The following ZNF780B variants were observed in gnomAD, a reference collection of about 807,000 sequenced individuals.
ZNF780B encodes zinc finger protein 780B.
ZNF780B carries 52 observed loss-of-function variants against 74.1 expected under a neutral mutation model. The observed-to-expected ratio is 0.70, with a 90% CI of 0.56 to 0.88. ZNF780B has a LOEUF of 0.88. Ranked by LOEUF, ZNF780B falls within the 40% of genes least tolerant of loss-of-function variation. ZNF780B has a pLI of 0.00. For missense variants in ZNF780B, 953 were observed against 1,007.6 expected (o/e 0.95, Z 0.73); for synonymous variants, 315 against 324.3 (o/e 0.97, Z 0.31).
In ZNF780B at chr19:40,035,341, A is replaced by G; in HGVS notation, c.1518T>C (p.Cys506=). The stretch of plus-strand genomic sequence containing the variant: ...TCGAGCCACGATTGAAGGCCTTCCC[A>G]CAGTCTTTACATTCAAATGGTTTCT... ...TGEKPFECKD[C]GKAFNRGSNL... Residue 506 remains cysteine (C), a synonymous_variant, in exon 5 of 5, where the codon TGT becomes TGC. Transcript: ENST00000434248. The G allele has an allele frequency of 6.2e-7, 1 of 1,614,084 alleles. No individual in the cohort carries two copies. Among genetic ancestry groups the G allele is most frequent in the Non-Finnish European group, 8.5e-7 (1 of 1,180,002 alleles).
At position 40,033,457 on chromosome 19, in the gene ZNF780B, C is replaced by G. The variant is rs1233147543; in HGVS notation, c.*900G>C. ...AACTTTCTCACCAAAATTATCTTCT[C>G]TGAACTCTAAGGCATTTAGTGTGGC... On this transcript the variant is annotated 3_prime_UTR_variant, in exon 5 of 5. Coordinates refer to ENST00000434248, the MANE Select transcript of ZNF780B (RefSeq NM_001005851.3). The G allele has an allele frequency of 6.5e-6, 1 of 153,902 alleles. No homozygotes were observed. The allele number at this position is 153,902 out of a possible 1,614,324, so 9.5% of individuals were successfully genotyped here. A position where few individuals can be genotyped will look rare whatever the true frequency, so the allele number is the denominator to read the frequency against.
intron 4 of ZNF780B, among the ~76,000 whole-genome samples, chr19:40,044,129 C>T (rs1291977430): frequency 5.3e-5 from 8 of 152,230 alleles, no homozygotes; most frequent in African/African-American, 1.9e-4. Context: ...GCCACCGTAA[C>T]ATATGGGACA....
intron 4 of ZNF780B, among the ~76,000 whole-genome samples, chr19:40,041,664 CCTT>C (rs1349725994): frequency 2.6e-5 from 4 of 152,062 alleles, no homozygotes; most frequent in Non-Finnish European, 4.4e-5. Flanking sequence ...TATGTAATGG[CCTT>C]CTTTGTCTCT....
rs1243293875 is a variant in ZNF780B at position 40,029,021 on chromosome 19, G to C, written c.*5336C>G. 1 of 152,208 alleles carries C rather than the reference G, an allele frequency of 6.6e-6. No homozygotes were observed. The highest frequency in any genetic ancestry group is 1.5e-5 in the Non-Finnish European group (1 of 68,030). The allele number at this position is 152,208 out of a possible 1,614,324, so 9.4% of individuals were successfully genotyped here. On this transcript the variant is annotated 3_prime_UTR_variant, in exon 5 of 5. Transcript: ENST00000434248. Reference sequence around the variant, plus strand: ...CTGGTTCTATAATCATGAAAGCAGGGTAGAATGGATATGCGGGCCTAATAA... The same window carrying C: ...CTGGTTCTATAATCATGAAAGCAGGCTAGAATGGATATGCGGGCCTAATAA...
Position 40,034,075 on chromosome 19 carries a change from G to A in ZNF780B, c.*282C>T. ...AGTAAGATCATAATTACTGCTAAAGGCCTTTTCACATTCCTTACATTCATA... is the reference window on the plus strand; with the variant it reads ...AGTAAGATCATAATTACTGCTAAAGACCTTTTCACATTCCTTACATTCATA... On this transcript the variant is annotated 3_prime_UTR_variant, in exon 5 of 5. Transcript: ENST00000434248. The A allele has an allele frequency of 2.0e-6, 1 of 490,506 alleles. No homozygotes were observed. Among genetic ancestry groups the A allele is most frequent in the South Asian group, 2.3e-5 (1 of 44,192 alleles). 30.4% of individuals were successfully genotyped at this position (490,506 alleles called of 1,614,324 possible). A position where few individuals can be genotyped will look rare whatever the true frequency, so the allele number is the denominator to read the frequency against.
chr19:40,036,750 A>G (rs913809965), intron 4 of ZNF780B, 124 bp from the exon 5 acceptor site: 1 of 611,400 alleles, frequency 1.6e-6, no homozygotes, highest in Non-Finnish European at 2.7e-6. Flanking sequence ...TGAAAAAGGA[A>G]AAGGGTGCCA....
At position 40,048,811 on chromosome 19, in the gene ZNF780B, A is replaced by C. The variant is rs770249488; in HGVS notation, c.10-15T>G. ...GTCACTGATCCCTGAAACCACAAAC[A>C]CATGGATTATGGTGAAATTGAAGAA... On this transcript the variant is annotated splice_polypyrimidine_tract_variant and intron_variant, in intron 2 of 4. Coordinates refer to ENST00000434248, the MANE Select transcript of ZNF780B (RefSeq NM_001005851.3). 20 of 1,613,618 alleles carry C rather than the reference A, an allele frequency of 1.2e-5. No individual in the cohort carries two copies. The highest frequency in any genetic ancestry group is 1.5e-5 in the Non-Finnish European group (18 of 1,179,844).
At chr19:40,050,196 CAAAAAAAAAAAAA>C (rs74179712) in intron 2 of ZNF780B, 115 bp downstream of exon 2, 42 of 392,384 alleles carry the variant, frequency 1.1e-4, no homozygotes, top group South Asian at 6.2e-4. Context: ...GACTCCGTCT[CAAAAAAAAAAAAA>C]AAAAAAAAAA....
Position 40,034,438 on chromosome 19 carries a change from G to T in ZNF780B, c.2421C>A (p.Asn807Lys), listed in dbSNP as rs748668429. The change falls in exon 5 of 5, where the codon AAC becomes AAA. Residue 807 changes from asparagine (N) to lysine (K), a missense_variant. Transcript: ENST00000434248. ...SLHQKLVQVRNPLNVRNVGQP... is the reference protein window; with the variant it reads ...SLHQKLVQVRKPLNVRNVGQP... ...GTCCCACATTTCTTACATTCAAAGG[G>T]TTTCTCACCTGTACAAGTTTTTGAT... 11 of 1,613,806 alleles carry T rather than the reference G, an allele frequency of 6.8e-6. No individual in the cohort carries two copies. Among genetic ancestry groups the T allele is most frequent in the Non-Finnish European group, 8.5e-6 (10 of 1,179,992 alleles).
chr19:40,034,697 C>T lies in ZNF780B; in HGVS notation c.2162G>A (p.Gly721Asp), dbSNP rs904045341. The T allele has an allele frequency of 1.9e-6, 3 of 1,613,950 alleles. No homozygotes were observed. The African/African-American group carries it at 4.0e-5, about 22-fold the overall frequency. ...QLTEHYRIHT[G>D]EKPFECKECG... ...TTCTTTACATTCAAAGGGTTTCTCA[C>T]CAGTATGAATTCGGTAATGTTCAGT... Residue 721 changes from glycine (G) to aspartate (D), a missense_variant, in exon 5 of 5, where the codon GGT becomes GAT. By Grantham distance (94) the Gly-to-Asp change is moderately conservative (BLOSUM62 -1). Transcript: ENST00000434248.
intron 1 of ZNF780B, among the ~76,000 whole-genome samples, chr19:40,050,826 C>G (rs1973191709): frequency 1.3e-5 from 2 of 152,200 alleles, no homozygotes; most frequent in Admixed American, 1.3e-4. Flanking sequence ...TGCAGTGGGG[C>G]AAGGCATGAG....
At chr19:40,043,063 C>T (rs1442877043) in intron 4 of ZNF780B, among the ~76,000 whole-genome samples, 4 of 152,010 alleles carry the variant, frequency 2.6e-5, no homozygotes, top group East Asian at 1.9e-4. Flanking sequence ...ATGATGGTGA[C>T]GTACAGATGG....
rs1971951328 is a variant in ZNF780B, at chr19:40,029,394, A to G, written c.*4963T>C. 6.5e-6 allele frequency: 1 copy of G among 154,816 alleles called. No individual in the cohort carries two copies. The highest frequency in any genetic ancestry group is 6.5e-5 in the Admixed American group (1 of 15,288). 9.6% of individuals were successfully genotyped at this position (154,816 alleles called of 1,614,324 possible). On this transcript the variant is annotated 3_prime_UTR_variant, in exon 5 of 5. Transcript: ENST00000434248. Reference sequence around the variant, plus strand: ...TTTAAATCAGAGCAATATCTCCAAAAATGGGAGGCAGATTAATGTATCATT... The same window carrying G: ...TTTAAATCAGAGCAATATCTCCAAAGATGGGAGGCAGATTAATGTATCATT...
chr19:40,049,233 C>CA (rs35460563), intron 2 of ZNF780B, among the ~76,000 whole-genome samples: 788 of 35,024 alleles, frequency 0.022, 41 homozygotes, highest in Middle Eastern at 0.054. Flanking sequence ...GACCCTATCT[C>CA]AAAAAAAAAA....
At position 40,035,339 on chromosome 19, in the gene ZNF780B, C is replaced by T; in HGVS notation, c.1520G>A (p.Gly507Glu). Residue 507 changes from glycine (G) to glutamate (E), a missense_variant, in exon 5 of 5, where the codon GGG becomes GAG. Physicochemically the swap from Gly to Glu is moderately conservative, Grantham distance 98. Transcript: ENST00000434248. Reference protein sequence around the residue: ...GEKPFECKDCGKAFNRGSNLV... With the variant: ...GEKPFECKDCEKAFNRGSNLV... ...GTTCGAGCCACGATTGAAGGCCTTC[C>T]CACAGTCTTTACATTCAAATGGTTT... is the stretch of plus-strand genomic sequence containing the variant. The T allele has an allele frequency of 6.2e-7, 1 of 1,614,068 alleles. No individual in the cohort carries two copies. Among genetic ancestry groups the T allele is most frequent in the Non-Finnish European group, 8.5e-7 (1 of 1,180,012 alleles).
intron 2 of ZNF780B, chr19:40,049,067 A>G (rs550967382): frequency 9.6e-5 from 37 of 387,088 alleles, no homozygotes; most frequent in African/African-American, 7.5e-4. Context: ...CTGGAAAAAA[A>G]AAAAAAAGAA....
rs777891903 is a variant in ZNF780B, at chr19:40,035,275, G to A, written c.1584C>T (p.Pro528=). The A allele has an allele frequency of 1.2e-6, 2 of 1,610,678 alleles. No individual in the cohort carries two copies. Among genetic ancestry groups the A allele is most frequent in the Non-Finnish European group, 1.7e-6 (2 of 1,178,902 alleles). The change falls in exon 5 of 5, where the codon CCC becomes CCT. Residue 528 remains proline (P), a synonymous_variant. Coordinates refer to ENST00000434248, the MANE Select transcript of ZNF780B (RefSeq NM_001005851.3). ...CCTTCCCACACTCCTTACATTCATAGGGCTTCTCACCAGTGTGAATACTCT... is the reference window on the plus strand; with the variant it reads ...CCTTCCCACACTCCTTACATTCATAAGGCTTCTCACCAGTGTGAATACTCT... ...QHQSIHTGEK[P]YECKECGKAF... is the part of the protein sequence containing the mutation.
intron 4 of ZNF780B, among the ~76,000 whole-genome samples, chr19:40,039,471 G>A (rs1225707098): frequency 4.0e-5 from 6 of 151,786 alleles, no homozygotes; most frequent in African/African-American, 1.2e-4. Flanking sequence ...AGCTTGATGG[G>A]GATGGCATTG....
intron 4 of ZNF780B, among the ~76,000 whole-genome samples, chr19:40,038,769 T>C (rs1399064229): frequency 9.2e-5 from 14 of 152,170 alleles, no homozygotes; most frequent in Admixed American, 8.5e-4. Flanking sequence ...GTTGTTTTTT[T>C]CTTGTAAATT....
Sources: gnomAD v4.1 joint callset for allele counts (sites outside exome capture counted in the v4.1 genomes callset) on GRCh38, gnomAD v4.1.1 for gene constraint, MANE v1.5 for transcripts, NCBI Gene and HGNC (gene_info 2026-07-23, HGNC 2026-07-21) for gene names.